The following MYO3A variants were observed in gnomAD, a reference collection of about 807,000 sequenced individuals.
The protein encoded by MYO3A is myosin-IIIa.
In MYO3A, 180 loss-of-function variants were observed where a neutral mutation model predicts 192.7. That is an observed-to-expected ratio of 0.93 (90% CI 0.83 to 1.06). The LOEUF is 1.06. Among genes scored for constraint, MYO3A ranks in the 50% least tolerant of loss-of-function variants. The pLI is 0.00. For synonymous variants in MYO3A, 628 were observed against 645.3 expected, an observed-to-expected ratio of 0.97 and a Z score of 0.41; for missense variants, 1,896 against 1,905.0, an observed-to-expected ratio of 1.00 and a Z score of 0.09.
At chr10:25,999,687 A>C (rs1268667494) in intron 6 of MYO3A, among the ~76,000 whole-genome samples, 1 of 152,184 alleles carries the variant, frequency 6.6e-6, no homozygotes, top group Admixed American at 6.5e-5. Flanking sequence ...TGGGTACTGA[A>C]GATCTTAGAT....
intron 10 of MYO3A, among the ~76,000 whole-genome samples, chr10:26,045,145 G>T (rs1332555786): frequency 3.9e-5 from 6 of 152,218 alleles, no homozygotes; most frequent in Admixed American, 6.5e-5. Flanking sequence ...GCCACCATCT[G>T]CCCAGCAAAG....
intron 20 of MYO3A, among the ~76,000 whole-genome samples, chr10:26,143,197 G>A (rs991439508): frequency 6.6e-5 from 10 of 152,178 alleles, no homozygotes; most frequent in African/African-American, 2.4e-4. Flanking sequence ...CGGGCATGGT[G>A]GTGTGTGCCT....
At chr10:26,026,568 A>G in intron 10 of MYO3A, 36 bp downstream of exon 10, 1 of 1,610,814 alleles carries the variant, frequency 6.2e-7, no homozygotes, top group South Asian at 1.1e-5. Context: ...AAATCCAGAG[A>G]TTATTGAAAG....
chr10:26,112,111 C>A (rs1178965244), intron 17 of MYO3A, among the ~76,000 whole-genome samples: 1 of 152,138 alleles, frequency 6.6e-6, no homozygotes, highest in Non-Finnish European at 1.5e-5. Context: ...AAAATGAAAC[C>A]AGTTTTGCAG....
intron 17 of MYO3A, among the ~76,000 whole-genome samples, chr10:26,103,646 A>G (rs752022389): frequency 2.0e-5 from 3 of 152,206 alleles, no homozygotes; most frequent in East Asian, 1.9e-4. Context: ...TAATGCTGCT[A>G]TGAACATTCA....
chr10:26,200,409 A>G (rs1383623088), intron 32 of MYO3A, among the ~76,000 whole-genome samples: 12 of 152,226 alleles, frequency 7.9e-5, no homozygotes, highest in Non-Finnish European at 1.6e-4. Context: ...TTCCACAGTT[A>G]TAATATCTTC....
rs183982996 is a variant in MYO3A at position 26,046,824 on chromosome 10, G to A, written c.954-20151G>A. On this transcript the variant is annotated intron_variant, in intron 10 of 34. Transcript: ENST00000642920. ...AACATGATTCTCTGAAGTTCACGTG[G>A]AATCATTTATTAGTTGTTTCTTTGG... 1.2e-4 allele frequency among the ~76,000 whole-genome samples: 18 copies of A among 152,244 alleles called. 1 individual carries two copies. The highest frequency in any genetic ancestry group is 9.8e-4 in the Admixed American group (15 of 15,292).
chr10:25,956,536 GT>G (rs1837554153), intron 4 of MYO3A, among the ~76,000 whole-genome samples: 1 of 142,826 alleles, frequency 7.0e-6, no homozygotes, highest in Non-Finnish European at 1.5e-5. Context: ...TAGAGACAGT[GT>G]TTCACTGTGT....
chr10:26,052,014 A>G (rs775438321), intron 10 of MYO3A, among the ~76,000 whole-genome samples: 1 of 152,358 alleles, frequency 6.6e-6, no homozygotes, highest in Admixed American at 6.5e-5. Context: ...TTAAATGTGC[A>G]ATAACATTAT....
intron 20 of MYO3A, among the ~76,000 whole-genome samples, chr10:26,128,913 A>C (rs973439395): frequency 1.3e-5 from 2 of 152,218 alleles, no homozygotes; most frequent in African/African-American, 4.8e-5. Flanking sequence ...TCCAGCTAAA[A>C]GCCATTAAAC....
intron 14 of MYO3A, among the ~76,000 whole-genome samples, chr10:26,081,429 C>G (rs1028618295): frequency 3.3e-5 from 5 of 152,088 alleles, no homozygotes; most frequent in Non-Finnish European, 4.4e-5. Flanking sequence ...CGCAACAACT[C>G]CGAGTCCATT....
chr10:26,075,865 T>C (rs763184820), intron 14 of MYO3A, among the ~76,000 whole-genome samples: 16 of 151,054 alleles, frequency 1.1e-4, no homozygotes, highest in Admixed American at 4.0e-4. Context: ...TATATCTATA[T>C]GTATCTCACA....
chr10:26,053,601 G>A (rs117669665), intron 10 of MYO3A, among the ~76,000 whole-genome samples: 24,684 of 152,000 alleles, frequency 0.16, 2,288 homozygotes, highest in Non-Finnish European at 0.21. Context: ...CATGGAGGGC[G>A]GATCGCGAGG....
At chr10:26,006,913 G>T (rs1222629725) in intron 6 of MYO3A, among the ~76,000 whole-genome samples, 1 of 150,624 alleles carries the variant, frequency 6.6e-6, no homozygotes, top group African/African-American at 2.5e-5. Context: ...CCAAAGCCAG[G>T]CAGAGACACA....
intron 5 of MYO3A, 122 bp downstream of exon 5, chr10:25,996,716 T>C: frequency 1.2e-6 from 1 of 828,768 alleles, no homozygotes; most frequent in South Asian, 1.5e-5. Flanking sequence ...TGGAAGAATA[T>C]ATGCAAAATC....
chr10:26,193,030 G>A lies in MYO3A; in HGVS notation c.4439-175G>A, dbSNP rs546163305. Among the ~76,000 whole-genome samples, 5 of 152,192 alleles carry A rather than the reference G, an allele frequency of 3.3e-5. No individual in the cohort carries two copies. In the East Asian group the frequency reaches 9.7e-4, roughly 29 times the overall value. On this transcript the variant is annotated intron_variant, in intron 31 of 34. Transcript: ENST00000642920. ...GTCCTAGACCACCAGACAACTAGAG[G>A]AAAGCACATGGTGAGGAGTAGGATA...
intron 14 of MYO3A, among the ~76,000 whole-genome samples, chr10:26,075,294 A>T (rs745517373): frequency 6.7e-6 from 1 of 149,598 alleles, no homozygotes; most frequent in Non-Finnish European, 1.5e-5. Context: ...TAATTTTTCC[A>T]TAGTTATCGG....
chr10:26,003,855 G>A lies in MYO3A; in HGVS notation c.508+6597G>A, dbSNP rs181456457. On this transcript the variant is annotated intron_variant, in intron 6 of 34. Transcript: ENST00000642920. ...TTATTTAGACCTCATTCTTATGACA[G>A]AATATTTTATGGTTTTAAATCTCTT... Among the ~76,000 whole-genome samples, 42 of 152,204 alleles carry A rather than the reference G, an allele frequency of 2.8e-4. No homozygotes were observed. The East Asian group carries it at 5.4e-3, about 20-fold the overall frequency.
At chr10:26,163,499 C>CG (rs1841582540) in intron 26 of MYO3A, among the ~76,000 whole-genome samples, 2 of 152,140 alleles carry the variant, frequency 1.3e-5, no homozygotes, top group African/African-American at 2.4e-5. Context: ...AAGGTAATGG[C>CG]AGCAGGCATA....
Sources: gnomAD v4.1 joint callset for allele counts (sites outside exome capture counted in the v4.1 genomes callset) on GRCh38, gnomAD v4.1.1 for gene constraint, MANE v1.5 for transcripts, NCBI Gene and HGNC (gene_info 2026-07-23, HGNC 2026-07-21) for gene names.